Variants in TRUB1 observed in about 807,000 individuals in gnomAD.
TRUB1 encodes the protein TruB pseudouridine synthase family member 1, also known as pseudouridylate synthase TRUB1.
In TRUB1, 23 loss-of-function variants were observed where a neutral mutation model predicts 33.9. The ratio of observed to expected loss-of-function variants is 0.68; its 90% CI spans 0.49 to 0.96. TRUB1 has a LOEUF of 0.96. Ranked by LOEUF, TRUB1 falls within the 40% of genes least tolerant of loss-of-function variation. TRUB1 has a pLI of 0.00. For missense variants in TRUB1, 378 were observed against 422.2 expected, an observed-to-expected ratio of 0.90 and a Z score of 0.92; for synonymous variants, 163 against 165.4, an observed-to-expected ratio of 0.99 and a Z score of 0.11.
chr10:114,971,328 AT>A (rs879597054), intron 5 of TRUB1, among the ~76,000 whole-genome samples: 27 of 152,166 alleles, frequency 1.8e-4, no homozygotes, highest in Non-Finnish European at 3.1e-4. Context: ...GCACATTACC[AT>A]TTCAAGCAAA....
intron 1 of TRUB1, among the ~76,000 whole-genome samples, chr10:114,942,309 T>G (rs1387460799): frequency 1.3e-5 from 2 of 152,300 alleles, no homozygotes; most frequent in Admixed American, 1.3e-4. Flanking sequence ...TTCATGATTC[T>G]CTATCTAACA....
chr10:114,941,534 G>A (rs7917761), intron 1 of TRUB1, among the ~76,000 whole-genome samples: 15,496 of 151,898 alleles, frequency 0.1, 1,591 homozygotes, highest in African/African-American at 0.26. Context: ...GTAGAGACAG[G>A]GTTTCCCTGT....
chr10:114,970,902 T>A (rs1190697907), intron 5 of TRUB1, among the ~76,000 whole-genome samples: 1 of 152,228 alleles, frequency 6.6e-6, no homozygotes, highest in African/African-American at 2.4e-5. Context: ...GCGAAACCGA[T>A]GAGAGTTACA....
intron 1 of TRUB1, among the ~76,000 whole-genome samples, chr10:114,942,041 C>G (rs1211084132): frequency 6.6e-6 from 1 of 152,162 alleles, no homozygotes; most frequent in Non-Finnish European, 1.5e-5. Context: ...GCTTCGGCCT[C>G]TCAAAGTGCT....
intron 4 of TRUB1, among the ~76,000 whole-genome samples, chr10:114,966,076 A>G (rs2084306409): frequency 1.3e-5 from 2 of 152,132 alleles, no homozygotes; most frequent in South Asian, 4.1e-4. Flanking sequence ...AAATTAATAT[A>G]CATTCACCTA....
At chr10:114,953,434 T>A (rs577449900) in intron 3 of TRUB1, among the ~76,000 whole-genome samples, 8 of 152,356 alleles carry the variant, frequency 5.3e-5, no homozygotes, top group Non-Finnish European at 1.2e-4. Context: ...TGTTGAAGAT[T>A]ATTTTTTAAT....
At chr10:114,966,069 T>C (rs1592053390) in intron 4 of TRUB1, among the ~76,000 whole-genome samples, 1 of 152,070 alleles carries the variant, frequency 6.6e-6, no homozygotes, top group East Asian at 1.9e-4. Flanking sequence ...ATTTTAAAAA[T>C]TAATATACAT....
chr10:114,939,826 C>CTTTTTTTT, intron 1 of TRUB1, among the ~76,000 whole-genome samples: 1 of 55,022 alleles, frequency 1.8e-5, no homozygotes, highest in South Asian at 5.8e-4. Flanking sequence ...GGTTTCTTTT[C>CTTTTTTTT]TTTTTTTTTT....
intron 2 of TRUB1, among the ~76,000 whole-genome samples, chr10:114,943,363 CTT>C (rs935817306): frequency 6.6e-6 from 1 of 152,164 alleles, no homozygotes; most frequent in African/African-American, 2.4e-5. Flanking sequence ...AACCCTGTCT[CTT>C]CTAAAAATAC....
At position 114,950,798 on chromosome 10, in the gene TRUB1, C is replaced by T. The variant is rs185823442; in HGVS notation, c.386-296C>T. ...CTGGTGCCCATATAAAATTCCAGTG[C>T]GTCCTTTGAGATTGTTCTAAGGCTT... On this transcript the variant is annotated intron_variant, in intron 2 of 7. Coordinates refer to ENST00000298746, the MANE Select transcript of TRUB1 (RefSeq NM_139169.5). Among the ~76,000 whole-genome samples, 264 of 152,260 alleles carry T rather than the reference C, an allele frequency of 1.7e-3. 1 individual carries two copies. The highest frequency in any genetic ancestry group is 6.1e-3 in the African/African-American group (255 of 41,548).
chr10:114,974,529 A>G (rs2084351418), intron 7 of TRUB1, 144 bp downstream of exon 7: 4 of 625,250 alleles, frequency 6.4e-6, no homozygotes, highest in South Asian at 4.5e-5. Flanking sequence ...AAAGCATTGT[A>G]GGTTTCTGGC....
intron 6 of TRUB1, among the ~76,000 whole-genome samples, chr10:114,972,886 G>T (rs1328662382): frequency 6.6e-6 from 1 of 152,048 alleles, no homozygotes; most frequent in Non-Finnish European, 1.5e-5. Flanking sequence ...AGACTAAAAA[G>T]TTCATTTCTG....
intron 6 of TRUB1, among the ~76,000 whole-genome samples, chr10:114,973,651 C>T (rs1190893407): frequency 6.6e-6 from 1 of 152,142 alleles, no homozygotes; most frequent in African/African-American, 2.4e-5. Context: ...ATGGAGAGCT[C>T]TGTTCTTAAC....
At chr10:114,951,346 T>C (rs2084234645) in intron 3 of TRUB1, among the ~76,000 whole-genome samples, 197 bp downstream of exon 3, 2 of 152,132 alleles carry the variant, frequency 1.3e-5, no homozygotes, top group African/African-American at 4.8e-5. Flanking sequence ...GAAAAACCAA[T>C]TAGACTTAAA....
Position 114,974,402 on chromosome 10 carries a change from A to T in TRUB1, c.793+17A>T, listed in dbSNP as rs1475218328. ...TTGGAAAAGGTAAGCATAAAAATGAATTATGAATTATCATTTAGAGAATAA... is the reference window on the plus strand; with the variant it reads ...TTGGAAAAGGTAAGCATAAAAATGATTTATGAATTATCATTTAGAGAATAA... On this transcript the variant is annotated intron_variant, in intron 7 of 7. Transcript: ENST00000298746. The T allele has an allele frequency of 6.3e-7, 1 of 1,597,704 alleles. No individual in the cohort carries two copies. The highest frequency in any genetic ancestry group is 8.6e-7 in the Non-Finnish European group (1 of 1,166,418).
chr10:114,938,760 A>C (rs567628227), intron 1 of TRUB1, among the ~76,000 whole-genome samples: 1 of 152,156 alleles, frequency 6.6e-6, no homozygotes, highest in Non-Finnish European at 1.5e-5. Context: ...AACGGGAGGA[A>C]AAAAATCCCG....
intron 3 of TRUB1, among the ~76,000 whole-genome samples, chr10:114,954,723 A>G (rs1191707000): frequency 6.6e-6 from 1 of 151,986 alleles, no homozygotes; most frequent in East Asian, 1.9e-4. Context: ...CTTTTTGTAC[A>G]GTGCCTTGTG....
At chr10:114,974,710 A>G (rs1360904983) in intron 7 of TRUB1, among the ~76,000 whole-genome samples, 1 of 152,132 alleles carries the variant, frequency 6.6e-6, no homozygotes, top group Non-Finnish European at 1.5e-5. Context: ...TTAACCTTCT[A>G]AAAGTTATTT....
chr10:114,970,560 T>A, intron 5 of TRUB1, 120 bp downstream of exon 5: 1 of 745,822 alleles, frequency 1.3e-6, no homozygotes, highest in Non-Finnish European at 2.3e-6. Context: ...TTAAATCTGA[T>A]GTGCCAAATG....
Sources: gnomAD v4.1 joint callset for allele counts (sites outside exome capture counted in the v4.1 genomes callset) on GRCh38, gnomAD v4.1.1 for gene constraint, MANE v1.5 for transcripts, NCBI Gene and HGNC (gene_info 2026-07-23, HGNC 2026-07-21) for gene names.